TRIM16: variants seen among roughly 807,000 people sequenced by gnomAD.
The protein encoded by TRIM16 is tripartite motif containing 16.
A neutral mutation model predicts 50.4 loss-of-function variants in TRIM16; 33 were observed. That is an observed-to-expected ratio of 0.65 (90% CI 0.50 to 0.88). The LOEUF is 0.88. Among genes scored for constraint, TRIM16 ranks in the 40% least tolerant of loss-of-function variants. TRIM16 has a pLI of 0.00. For synonymous variants in TRIM16, 229 were observed against 270.7 expected (o/e 0.85, Z 1.51); for missense variants, 581 against 686.8 (o/e 0.85, Z 1.72).
intron 6 of TRIM16, among the ~76,000 whole-genome samples, chr17:15,670,124 C>A (rs1468280405): frequency 6.6e-6 from 1 of 152,214 alleles, no homozygotes; most frequent in Non-Finnish European, 1.5e-5. Flanking sequence ...AGTGTTCTAA[C>A]CCACAGGTGC....
At chr17:15,657,134 T>C (rs1204245144) in intron 6 of TRIM16, among the ~76,000 whole-genome samples, 3 of 152,186 alleles carry the variant, frequency 2.0e-5, no homozygotes, top group Non-Finnish European at 4.4e-5. Context: ...TTAATTGTGA[T>C]AAAATACAGA....
chr17:15,676,246 G>A (rs1400981398), intron 6 of TRIM16, among the ~76,000 whole-genome samples: 2 of 151,890 alleles, frequency 1.3e-5, no homozygotes, highest in East Asian at 3.9e-4. Context: ...AATGTCCCCC[G>A]GGGGGCAAAC....
At chr17:15,667,522 G>A (rs1375890757) in intron 6 of TRIM16, among the ~76,000 whole-genome samples, 2 of 152,100 alleles carry the variant, frequency 1.3e-5, no homozygotes, top group African/African-American at 4.8e-5. Context: ...TAAGATGCAA[G>A]CAGAAGTAGC....
chr17:15,673,264 C>G (rs1010351541), intron 6 of TRIM16, among the ~76,000 whole-genome samples: 1 of 152,222 alleles, frequency 6.6e-6, no homozygotes, highest in Admixed American at 6.5e-5. Flanking sequence ...GGATTTTGGG[C>G]ATTTCAAAAA....
chr17:15,682,033 G>C (rs1339906495), intron 3 of TRIM16, among the ~76,000 whole-genome samples: 3 of 151,920 alleles, frequency 2.0e-5, no homozygotes, highest in Non-Finnish European at 4.4e-5. Flanking sequence ...GTTTCTTCTG[G>C]GCTTCATTTC....
intron 6 of TRIM16, chr17:15,659,015 T>C (rs1442591490): frequency 3.1e-6 from 1 of 320,846 alleles, no homozygotes; most frequent in Non-Finnish European, 4.5e-6. Context: ...ATTGTTGTAA[T>C]GACGGCTCCT....
intron 4 of TRIM16, among the ~76,000 whole-genome samples, chr17:15,678,186 T>G (rs1386935083): frequency 1.3e-5 from 2 of 149,458 alleles, no homozygotes; most frequent in Admixed American, 6.7e-5. Context: ...GCCATTGCAC[T>G]CCAGCCTGGG....
At chr17:15,646,957 C>A (rs1328488489) in intron 7 of TRIM16, among the ~76,000 whole-genome samples, 1 of 151,712 alleles carries the variant, frequency 6.6e-6, no homozygotes. Flanking sequence ...CCCAAAATGG[C>A]TGAAATAAAT....
At chr17:15,640,992 C>T (rs1298224628) in intron 8 of TRIM16, among the ~76,000 whole-genome samples, 2 of 148,004 alleles carry the variant, frequency 1.4e-5, no homozygotes, top group Non-Finnish European at 3.0e-5. Flanking sequence ...CATAGAAGCA[C>T]GATACCATGA....
chr17:15,651,324 A>G lies in TRIM16; in HGVS notation c.286T>C (p.Cys96Arg). 6.2e-7 allele frequency: 1 copy of G among 1,614,262 alleles called. No homozygotes were observed. The highest frequency in any genetic ancestry group is 8.5e-7 in the Non-Finnish European group (1 of 1,180,052). The change falls in exon 7 of 12, where the codon TGC becomes CGC. Residue 96 changes from cysteine to arginine, a missense_variant. Transcript: ENST00000649191. Reference sequence around the variant, plus strand: ...TGCTCTTCACAGTAATTCACCATGCAGGTTAGACAGGACTTCACTGCCTTC... The same window carrying G: ...TGCTCTTCACAGTAATTCACCATGCGGGTTAGACAGGACTTCACTGCCTTC... ...RVKAVKSCLT[C>R]MVNYCEEHLQ... is the part of the protein sequence containing the mutation.
At chr17:15,638,111 G>A (rs1322571664) in intron 8 of TRIM16, among the ~76,000 whole-genome samples, 1 of 128,480 alleles carries the variant, frequency 7.8e-6, no homozygotes, top group Non-Finnish European at 1.6e-5. Context: ...CAAACACTGC[G>A]GAAGGCCGCA....
Position 15,634,366 on chromosome 17 carries a change from A to C in TRIM16, c.849+1670T>G, listed in dbSNP as rs566452660. Among the ~76,000 whole-genome samples, 48 of 146,334 alleles carry C rather than the reference A, an allele frequency of 3.3e-4. 5 individuals carry two copies. The South Asian group carries it at 0.011, about 33-fold the overall frequency. ...AAAAATTGGCCGGGCGCGGTGGCTC[A>C]CTCCTGTAATCGCAACACTTTGGGA... On this transcript the variant is annotated intron_variant, in intron 9 of 11. Transcript: ENST00000649191.
At chr17:15,649,132 A>G (rs569356951) in intron 7 of TRIM16, among the ~76,000 whole-genome samples, 61 of 152,142 alleles carry the variant, frequency 4.0e-4, no homozygotes, top group Non-Finnish European at 7.5e-4. Context: ...TTTAAAATTT[A>G]TATTGTATCT....
At chr17:15,650,981 T>C (rs1301895026) in intron 7 of TRIM16, 110 bp downstream of exon 7, 1 of 1,431,078 alleles carries the variant, frequency 7.0e-7, no homozygotes, top group African/African-American at 1.4e-5. Flanking sequence ...CTTTTTCAGG[T>C]ATGCTCAGAG....
chr17:15,666,675 AT>A (rs1411939907), intron 6 of TRIM16, among the ~76,000 whole-genome samples: 1 of 152,234 alleles, frequency 6.6e-6, no homozygotes, highest in African/African-American at 2.4e-5. Flanking sequence ...AGTAGGCACT[AT>A]TGTGTCTGGC....
At position 15,677,190 on chromosome 17, in the gene TRIM16, C is replaced by T; in HGVS notation, c.-352G>A. ...TTCTCACTTACGTGTACCGCTGCTT[C>T]TTGGCACCTCTCCCTCCTGCATTTG... is the stretch of plus-strand genomic sequence containing the variant. On this transcript the variant is annotated 5_prime_UTR_variant, in exon 6 of 12. Coordinates refer to ENST00000649191, the MANE Select transcript of TRIM16 (RefSeq NM_001348119.1). 1.0e-6 allele frequency: 1 copy of T among 985,416 alleles called. No individual in the cohort carries two copies. The highest frequency in any genetic ancestry group is 1.7e-5 in the African/African-American group (1 of 57,334). 61.0% of individuals were successfully genotyped at this position (985,416 alleles called of 1,614,324 possible).
chr17:15,683,346 C>T (rs1176649300), intron 1 of TRIM16, 189 bp from the exon 2 acceptor site: 5 of 506,498 alleles, frequency 9.9e-6, no homozygotes, highest in Non-Finnish European at 1.4e-5. Flanking sequence ...TACCTTTATA[C>T]CACTAGGGCC....
chr17:15,665,554 G>C (rs145309167), intron 6 of TRIM16, among the ~76,000 whole-genome samples: 391 of 152,276 alleles, frequency 2.6e-3, no homozygotes, highest in Middle Eastern at 0.024. Flanking sequence ...ACAACATAAT[G>C]TATCGGGAAA....
At chr17:15,636,904 T>C (rs1190465248) in intron 8 of TRIM16, among the ~76,000 whole-genome samples, 2 of 149,574 alleles carry the variant, frequency 1.3e-5, no homozygotes, top group African/African-American at 4.9e-5. Flanking sequence ...GTTTGAATGA[T>C]GGGGCACATG....
Sources: allele counts gnomAD v4.1 joint callset (sites outside exome capture counted in the v4.1 genomes callset), GRCh38; gene constraint gnomAD v4.1.1; transcripts MANE v1.5; gene names NCBI Gene and HGNC (gene_info 2026-07-23, HGNC 2026-07-21).